Variants in EVL observed in about 807,000 individuals in gnomAD.
EVL encodes the protein Enah/Vasp-like, also known as ena/VASP-like protein.
A neutral mutation model predicts 59.6 loss-of-function variants in EVL; 21 were observed. The observed-to-expected ratio is 0.35, with a 90% CI of 0.25 to 0.51. The LOEUF is 0.51. EVL is among the 20% of genes least tolerant of loss of function. The pLI is 0.97. For missense variants in EVL, 462 were observed against 546.6 expected (o/e 0.85, Z 1.54); for synonymous variants, 198 against 203.5 (o/e 0.97, Z 0.23).
At chr14:100,088,358 C>T (rs2062491442) in intron 2 of EVL, among the ~76,000 whole-genome samples, 1 of 152,196 alleles carries the variant, frequency 6.6e-6, no homozygotes, top group Admixed American at 6.5e-5. Flanking sequence ...GCCCCCAAAA[C>T]ATGTGAAGGC....
chr14:100,142,596 G>A (rs796553613), intron 13 of EVL, among the ~76,000 whole-genome samples: 4 of 152,246 alleles, frequency 2.6e-5, no homozygotes, highest in Admixed American at 1.3e-4. Flanking sequence ...TCCCACAAGC[G>A]CACAGGGGTG....
intron 4 of EVL, among the ~76,000 whole-genome samples, chr14:100,125,298 G>A (rs1362479994): frequency 6.7e-6 from 1 of 148,586 alleles, no homozygotes; most frequent in East Asian, 1.9e-4. Context: ...ACACACGGCA[G>A]GGAGACTCTC....
chr14:100,097,456 T>C (rs748996831), intron 2 of EVL, 25 bp from the exon 3 acceptor site: 1 of 1,584,670 alleles, frequency 6.3e-7, no homozygotes, highest in Non-Finnish European at 8.6e-7. Flanking sequence ...TATTTACACG[T>C]ATTTCTCTCT....
intron 1 of EVL, among the ~76,000 whole-genome samples, chr14:100,059,776 G>T (rs1253390003): frequency 6.6e-6 from 1 of 152,132 alleles, no homozygotes; most frequent in Admixed American, 6.5e-5. Flanking sequence ...GTTCAAAATG[G>T]AAATAGAACT....
At chr14:100,038,718 G>C (rs1031888715) in intron 1 of EVL, among the ~76,000 whole-genome samples, 6 of 151,228 alleles carry the variant, frequency 4.0e-5, no homozygotes, top group Admixed American at 4.0e-4. Context: ...TGGGTGGGTA[G>C]CTGTCAGAGA....
intron 2 of EVL, among the ~76,000 whole-genome samples, chr14:100,093,955 G>A (rs190140493): frequency 2.6e-5 from 4 of 152,210 alleles, no homozygotes; most frequent in African/African-American, 9.6e-5. Context: ...ATTAGTTATT[G>A]TTGTTAATCT....
chr14:100,062,534 A>T (rs1566991539), upstream of EVL, among the ~76,000 whole-genome samples: 2 of 152,190 alleles, frequency 1.3e-5, no homozygotes, highest in Admixed American at 1.3e-4. Flanking sequence ...GAACAGAGGA[A>T]CCAGAAACAG....
chr14:100,141,468 C>A (rs187821078), intron 12 of EVL, among the ~76,000 whole-genome samples: 39 of 152,366 alleles, frequency 2.6e-4, no homozygotes, highest in African/African-American at 7.7e-4. Flanking sequence ...TTCTGGGCAC[C>A]TCCCTCAGGC....
chr14:100,008,274 C>T (rs954290808), intron 1 of EVL, among the ~76,000 whole-genome samples: 11 of 152,094 alleles, frequency 7.2e-5, no homozygotes, highest in Non-Finnish European at 1.6e-4. Flanking sequence ...GGTGGATGAC[C>T]CCGCTTTTGA....
In EVL at chr14:100,130,971, C is replaced by T. The variant is rs1888399297; in HGVS notation, c.839+1287C>T. 1.3e-5 allele frequency among the ~76,000 whole-genome samples: 2 copies of T among 152,126 alleles called. No homozygotes were observed. Among genetic ancestry groups the T allele is most frequent in the Non-Finnish European group, 2.9e-5 (2 of 68,026 alleles). On this transcript the variant is annotated intron_variant, in intron 7 of 13. Transcript: ENST00000392920. This position sits in a 1 kb window ranked among gnomAD's most constrained non-coding sequence, Gnocchi z 4.8. ...GCGAATGGCTCCGTGGGTGAGAGAG[C>T]CGGGAGGGCTCGCAGAACGATGAGG...
At chr14:100,073,899 A>G (rs1180985421) in intron 1 of EVL, among the ~76,000 whole-genome samples, 2 of 151,592 alleles carry the variant, frequency 1.3e-5, no homozygotes, top group African/African-American at 4.8e-5. Context: ...TTCAGTGGCA[A>G]GTATGGTAAG....
chr14:99,983,606 G>T (rs1046791672), intron 1 of EVL, among the ~76,000 whole-genome samples: 5 of 152,028 alleles, frequency 3.3e-5, no homozygotes, highest in Non-Finnish European at 7.4e-5. Flanking sequence ...CCATTCTCTG[G>T]GTCCTGCCTG....
At chr14:100,016,989 C>T (rs181513876) in intron 1 of EVL, among the ~76,000 whole-genome samples, 11 of 152,322 alleles carry the variant, frequency 7.2e-5, no homozygotes, top group African/African-American at 2.4e-4. Flanking sequence ...AATAAGTCCT[C>T]TTCTGGAGGC....
Position 100,108,303 on chromosome 14 carries a change from G to A in EVL, c.358+10645G>A, listed in dbSNP as rs187559883. 3.2e-4 allele frequency among the ~76,000 whole-genome samples: 48 copies of A among 152,272 alleles called. 1 individual carries two copies. In the East Asian group the frequency reaches 9.1e-3, roughly 29 times the overall value. ...GAGGTGGGGCTGAATTTTGCTTCTT[G>A]TAAACCTCTTTCCATTGGAAATTAC... On this transcript the variant is annotated intron_variant, in intron 3 of 13. Coordinates refer to ENST00000392920, the MANE Select transcript of EVL (RefSeq NM_016337.3). This position sits in a 1 kb window ranked among gnomAD's most constrained non-coding sequence, Gnocchi z 4.1.
intron 1 of EVL, among the ~76,000 whole-genome samples, chr14:99,979,044 CTA>C (rs774874992): frequency 3.9e-5 from 6 of 152,126 alleles, no homozygotes; most frequent in Non-Finnish European, 8.8e-5. Context: ...CTAACAGACT[CTA>C]TGTATTTTCA....
chr14:100,028,768 G>A (rs1221129873), intron 1 of EVL, among the ~76,000 whole-genome samples: 7 of 152,126 alleles, frequency 4.6e-5, no homozygotes, highest in African/African-American at 7.2e-5. Context: ...CCAAGTTCAC[G>A]CCACTGCACT....
intron 3 of EVL, among the ~76,000 whole-genome samples, chr14:100,103,487 C>G (rs569405788): frequency 6.6e-6 from 1 of 152,090 alleles, no homozygotes; most frequent in Non-Finnish European, 1.5e-5. Context: ...TCTGTCTCCC[C>G]GCTTGGCCTC....
At chr14:100,009,536 T>G (rs2061003143) in intron 1 of EVL, among the ~76,000 whole-genome samples, 1 of 152,238 alleles carries the variant, frequency 6.6e-6, no homozygotes, top group Non-Finnish European at 1.5e-5. Context: ...TTCAATTTAT[T>G]TATTTGTTTA....
In EVL at chr14:100,060,206, G is replaced by A. The variant is rs529805749; in HGVS notation, c.6-24481G>A. Among the ~76,000 whole-genome samples, 40 of 151,902 alleles carry A rather than the reference G, an allele frequency of 2.6e-4. No individual in the cohort carries two copies. In the East Asian group the frequency reaches 2.9e-3, roughly 11 times the overall value. ...AGCACTTTGGGAGGCCGAGGCGGGC[G>A]GATCACGAGGTCAGGAGATCGAGAC... is the stretch of plus-strand genomic sequence containing the variant. On this transcript the variant is annotated intron_variant, in intron 1 of 13. Transcript: ENST00000402714.
Sources: allele counts gnomAD v4.1 joint callset (sites outside exome capture counted in the v4.1 genomes callset), GRCh38; gene constraint gnomAD v4.1.1; non-coding constraint Gnocchi (gnomAD v3.1); transcripts MANE v1.5; gene names NCBI Gene and HGNC (gene_info 2026-07-23, HGNC 2026-07-21).